Variants in DROSHA observed in about 807,000 individuals in gnomAD.
DROSHA encodes the protein ribonuclease 3.
A neutral mutation model predicts 181.9 loss-of-function variants in DROSHA; 56 were observed. The ratio of observed to expected loss-of-function variants is 0.31; its 90% CI spans 0.25 to 0.38. The LOEUF (loss-of-function observed/expected upper bound fraction) is 0.38, where lower values mean the gene tolerates loss of function less well. DROSHA is among the 10% of genes least tolerant of loss of function. DROSHA has a pLI of 1.00. For missense variants in DROSHA, 1,218 were observed against 1,743.5 expected, an observed-to-expected ratio of 0.70 and a Z score of 5.37; for synonymous variants, 524 against 591.2, an observed-to-expected ratio of 0.89 and a Z score of 1.65.
chr5:31,409,094 A>G lies in DROSHA; in HGVS notation c.3816T>C (p.Leu1272=), dbSNP rs769635822. Residue 1272 remains leucine (L), a synonymous_variant, in exon 33 of 36, where the codon CTT becomes CTC. Coordinates refer to ENST00000344624, the MANE Select transcript of DROSHA (RefSeq NM_001382508.1). This position sits in a 1 kb window ranked among gnomAD's most constrained non-coding sequence, Gnocchi z 4.0. ...TGTCTGGCTCTTTTCCTTCTGTCCT[A>G]AGTGTCAAGCAACACTGCTGAAGCT... ...KSQLQQCCLT[L]RTEGKEPDIP... is the part of the protein sequence containing the mutation. The G allele has an allele frequency of 1.9e-6, 3 of 1,613,920 alleles. No homozygotes were observed. The highest frequency in any genetic ancestry group is 2.5e-6 in the Non-Finnish European group (3 of 1,179,820).
intron 9 of DROSHA, among the ~76,000 whole-genome samples, chr5:31,510,063 A>AG (rs1738489952): frequency 7.1e-6 from 1 of 139,864 alleles, no homozygotes; most frequent in Non-Finnish European, 1.6e-5. Context: ...AAAAAAAAAA[A>AG]AACAGACCTA....
chr5:31,459,125 G>A (rs1013728502), intron 20 of DROSHA, among the ~76,000 whole-genome samples: 2 of 152,276 alleles, frequency 1.3e-5, no homozygotes, highest in East Asian at 3.9e-4. Context: ...CATTGACTAG[G>A]TATTTGATGA....
At chr5:31,516,026 C>A (rs911969830) in intron 6 of DROSHA, among the ~76,000 whole-genome samples, 1 of 152,104 alleles carries the variant, frequency 6.6e-6, no homozygotes, top group Non-Finnish European at 1.5e-5. Flanking sequence ...AAGGCCGAGG[C>A]GGGAGGATCA....
intron 8 of DROSHA, among the ~76,000 whole-genome samples, chr5:31,511,658 C>G (rs1393788265): frequency 4.0e-5 from 6 of 151,574 alleles, no homozygotes; most frequent in African/African-American, 1.5e-4. Flanking sequence ...TATGACTGTG[C>G]CACTATACTC....
chr5:31,414,570 AG>A (rs1440244763), intron 30 of DROSHA, among the ~76,000 whole-genome samples: 3 of 152,228 alleles, frequency 2.0e-5, no homozygotes, highest in Non-Finnish European at 4.4e-5. Flanking sequence ...TGGAGAATGT[AG>A]TACCTAGCTC....
intron 30 of DROSHA, among the ~76,000 whole-genome samples, chr5:31,413,974 T>C (rs1741651095): frequency 6.6e-6 from 1 of 152,172 alleles, no homozygotes; most frequent in Admixed American, 6.5e-5. Context: ...TGAAAAAGAC[T>C]GAGTCAGCCA....
chr5:31,402,484 ATC>A (rs1445910047), intron 35 of DROSHA, among the ~76,000 whole-genome samples: 1 of 151,912 alleles, frequency 6.6e-6, no homozygotes, highest in African/African-American at 2.4e-5. Flanking sequence ...ATTATTGTTA[ATC>A]TTTTTCTGTG....
At chr5:31,507,225 C>G (rs1738080055) in intron 10 of DROSHA, among the ~76,000 whole-genome samples, 1 of 152,198 alleles carries the variant, frequency 6.6e-6, no homozygotes, top group African/African-American at 2.4e-5. Flanking sequence ...CTTTGGAAGG[C>G]TGAGCCAGGT....
At chr5:31,447,857 A>C (rs1746496676) in intron 23 of DROSHA, among the ~76,000 whole-genome samples, 1 of 152,176 alleles carries the variant, frequency 6.6e-6, no homozygotes, top group Non-Finnish European at 1.5e-5. Context: ...GACAATAACA[A>C]GTGTTGACAA....
intron 11 of DROSHA, among the ~76,000 whole-genome samples, chr5:31,504,018 T>C (rs1445473423): frequency 1.3e-5 from 2 of 152,156 alleles, no homozygotes; most frequent in African/African-American, 4.8e-5. Flanking sequence ...AGGGAACAAA[T>C]GAGGGACAAT....
rs762186997 is a variant in DROSHA at position 31,521,140 on chromosome 5, C to G, written c.930G>C (p.Glu310Asp). 1 of 1,613,656 alleles carries G rather than the reference C, an allele frequency of 6.2e-7. No individual in the cohort carries two copies. The highest frequency in any genetic ancestry group is 8.5e-7 in the Non-Finnish European group (1 of 1,179,634). Reference protein sequence around the residue: ...SPSLERSYKKEYKRSGRSYGL... With the variant: ...SPSLERSYKKDYKRSGRSYGL... ...TTGCTTACCTTCCAGATCTCTTATA[C>G]TCTTTTTTGTAGGACCTTTCCAGAG... The change falls in exon 6 of 36, where the codon GAG (glutamate) becomes GAC (aspartate). Residue 310 changes from glutamate (E) to aspartate (D), a missense_variant. Glu to Asp is a conservative substitution (Grantham distance 45, BLOSUM62 2). Around this residue, in one of 8 missense-constraint regions of DROSHA, gnomAD observed 536 missense variants for 535.4 expected, o/e 1.00. Coordinates refer to ENST00000344624, the MANE Select transcript of DROSHA (RefSeq NM_001382508.1).
At chr5:31,422,041 G>A (rs111228839) in intron 29 of DROSHA, among the ~76,000 whole-genome samples, 59 of 144,414 alleles carry the variant, frequency 4.1e-4, no homozygotes, top group Middle Eastern at 3.5e-3. Context: ...GCAGTGAGCC[G>A]TAATCATGCC....
Position 31,464,790 on chromosome 5 carries a change from C to T in DROSHA, c.2467-447G>A, listed in dbSNP as rs552721498. Among the ~76,000 whole-genome samples, 8 of 152,094 alleles carry T rather than the reference C, an allele frequency of 5.3e-5. No individual in the cohort carries two copies. The South Asian group carries it at 1.0e-3, about 20-fold the overall frequency. ...CAAACCCTTATAAAAACTCTTGCTA[C>T]AATGGCATACTTTATATAAAAAAAG... On this transcript the variant is annotated intron_variant, in intron 19 of 35. Coordinates refer to ENST00000344624, the MANE Select transcript of DROSHA (RefSeq NM_001382508.1).
chr5:31,512,126 CT>C (rs1738762354), intron 8 of DROSHA, among the ~76,000 whole-genome samples: 1 of 152,272 alleles, frequency 6.6e-6, no homozygotes, highest in South Asian at 2.1e-4. Flanking sequence ...ACTTAGTAGC[CT>C]TAAAATGTAA....
chr5:31,431,703 G>GTT, intron 25 of DROSHA, 25 bp from the exon 26 acceptor site: 1 of 1,611,490 alleles, frequency 6.2e-7, no homozygotes, highest in Non-Finnish European at 8.5e-7. Flanking sequence ...ATGACAAAAC[G>GTT]TAAGAAAGAG....
intron 30 of DROSHA, among the ~76,000 whole-genome samples, chr5:31,420,273 A>G (rs1360293687): frequency 6.6e-6 from 1 of 152,210 alleles, no homozygotes; most frequent in Non-Finnish European, 1.5e-5. Flanking sequence ...GACAGACTGC[A>G]CTAAGTATCT....
intron 30 of DROSHA, 45 bp downstream of exon 30, chr5:31,421,227 T>C (rs370780086): frequency 6.7e-7 from 1 of 1,484,046 alleles, no homozygotes; most frequent in Admixed American, 1.7e-5. Flanking sequence ...ATCTTCACTC[T>C]GCTTTACAGC....
intron 11 of DROSHA, among the ~76,000 whole-genome samples, chr5:31,496,749 T>A (rs1753032396): frequency 6.6e-6 from 1 of 152,220 alleles, no homozygotes; most frequent in Non-Finnish European, 1.5e-5. Context: ...ATGAGAGATC[T>A]TACCATCTTT....
intron 16 of DROSHA, among the ~76,000 whole-genome samples, chr5:31,475,396 C>T (rs1172307254): frequency 6.6e-6 from 1 of 152,214 alleles, no homozygotes; most frequent in African/African-American, 2.4e-5. Flanking sequence ...TAATGTTCCT[C>T]TCTTTGCTAA....
Sources: gnomAD v4.1 joint callset for allele counts (sites outside exome capture counted in the v4.1 genomes callset) on GRCh38, gnomAD v4.1.1 for gene constraint, gnomAD v4.1.1 regional missense constraint, Gnocchi (gnomAD v3.1) non-coding constraint, MANE v1.5 for transcripts, NCBI Gene and HGNC (gene_info 2026-07-23, HGNC 2026-07-21) for gene names.